Variants in UGT2B28 observed in about 807,000 individuals in gnomAD.
UGT2B28 encodes UDP-glucuronosyltransferase 2B28.
UGT2B28 carries 45 observed loss-of-function variants against 43.6 expected under a neutral mutation model. That is an observed-to-expected ratio of 1.03 (90% CI 0.81 to 1.32). The LOEUF (loss-of-function observed/expected upper bound fraction) is 1.32. UGT2B28 is among the 40% of genes most tolerant of loss of function. The pLI, the probability that UGT2B28 is intolerant of heterozygous loss-of-function variation, is 0.00. For missense variants in UGT2B28, 649 were observed against 625.5 expected, an observed-to-expected ratio of 1.04 and a Z score of -0.40; for synonymous variants, 204 against 208.1, an observed-to-expected ratio of 0.98 and a Z score of 0.17.
At chr4:69,294,270 C>T (rs543468531) in intron 5 of UGT2B28, among the ~76,000 whole-genome samples, 4 of 137,472 alleles carry the variant, frequency 2.9e-5, no homozygotes, top group East Asian at 4.2e-4. Flanking sequence ...AATTAAAATG[C>T]CTTATATTTT....
intron 4 of UGT2B28, 58 bp from the exon 5 acceptor site, chr4:69,290,534 C>T (rs1231834331): frequency 1.3e-6 from 2 of 1,526,912 alleles, no homozygotes; most frequent in South Asian, 1.2e-5. Flanking sequence ...CAGAGCATTT[C>T]ATTGTGTATC....
At position 69,290,768 on chromosome 4, in the gene UGT2B28, A is replaced by T; in HGVS notation, c.1267A>T (p.Thr423Ser). 1 of 1,559,986 alleles carries T rather than the reference A, an allele frequency of 6.4e-7. No individual in the cohort carries two copies. Among genetic ancestry groups the T allele is most frequent in the Non-Finnish European group, 8.7e-7 (1 of 1,155,290 alleles). ...VRLDFHTMSS[T>S]DLLNALKTVI... ...ACTGGACTTCCACACAATGTCGAGTACAGACCTGCTGAATGCACTGAAGAC... is the reference window on the plus strand; with the variant it reads ...ACTGGACTTCCACACAATGTCGAGTTCAGACCTGCTGAATGCACTGAAGAC... The change falls in exon 5 of 6, where the codon ACA (threonine) becomes TCA (serine). Residue 423 changes from threonine to serine, a missense_variant. By Grantham distance (58) the Thr-to-Ser change is moderately conservative. Coordinates refer to ENST00000335568, the MANE Select transcript of UGT2B28 (RefSeq NM_053039.2).
At chr4:69,290,571 C>G (rs746629274) in intron 4 of UGT2B28, 21 bp from the exon 5 acceptor site, 1 of 1,536,454 alleles carries the variant, frequency 6.5e-7, no homozygotes, top group East Asian at 2.3e-5. Context: ...AATAATTTTG[C>G]TAAAATTCAT....
At chr4:69,283,629 A>G (rs1250484392) in intron 2 of UGT2B28, among the ~76,000 whole-genome samples, 2 of 140,726 alleles carry the variant, frequency 1.4e-5, no homozygotes, top group Non-Finnish European at 3.0e-5. Flanking sequence ...TAAAACAGAC[A>G]AAACACTTAA....
At position 69,280,751 on chromosome 4, in the gene UGT2B28, C is replaced by G. The variant is rs758232402; in HGVS notation, c.251C>G (p.Thr84Ser). 6.4e-7 allele frequency: 1 copy of G among 1,563,832 alleles called. No individual in the cohort carries two copies. The highest frequency in any genetic ancestry group is 8.6e-7 in the Non-Finnish European group (1 of 1,157,078). ...LEVYPTSLTK[T>S]EFENIIMQQV... is the part of the protein sequence containing the mutation. ...GTTTATCCTACATCTTTAACTAAAA[C>G]TGAATTTGAGAATATCATCATGCAA... The change falls in exon 1 of 6, where the codon ACT (threonine) becomes AGT (serine). Residue 84 changes from threonine (T) to serine (S), a missense_variant. Physicochemically the swap from Thr to Ser is moderately conservative, Grantham distance 58. Transcript: ENST00000335568.
chr4:69,286,461 C>A lies in UGT2B28; in HGVS notation c.871-291C>A, dbSNP rs542297551. Among the ~76,000 whole-genome samples the A allele has an allele frequency of 6.0e-4, 84 of 140,202 alleles. 14 individuals are homozygous for A. The highest frequency in any genetic ancestry group is 2.3e-3 in the African/African-American group (81 of 35,874). 92.0% of individuals were successfully genotyped at this position (140,202 alleles called of 152,430 possible). A position where few individuals can be genotyped will look rare whatever the true frequency, so the allele number is the denominator to read the frequency against. On this transcript the variant is annotated intron_variant, in intron 2 of 5. Coordinates refer to ENST00000335568, the MANE Select transcript of UGT2B28 (RefSeq NM_053039.2). ...AGTGAAGAGTCTGGGTATATTTTTT[C>A]ACATTATCTCCCTGACTACAATGTA...
chr4:69,283,868 G>T lies in UGT2B28; in HGVS notation c.870+1206G>T, dbSNP rs1457555625. ...TTGATTAAAATTAGACATATCAATT[G>T]TGACAGTAAAATGAGCCAGTTGAAA... On this transcript the variant is annotated intron_variant, in intron 2 of 5. Transcript: ENST00000335568. Among the ~76,000 whole-genome samples, 4 of 140,112 alleles carry T rather than the reference G, an allele frequency of 2.9e-5. No individual in the cohort carries two copies. The South Asian group carries it at 7.1e-4, about 25-fold the overall frequency. The allele number at this position is 140,112 out of a possible 152,430, so 91.9% of individuals were successfully genotyped here.
Position 69,286,924 on chromosome 4 carries a change from G to A in UGT2B28, c.1002+41G>A, listed in dbSNP as rs778202144. 13 of 1,271,876 alleles carry A rather than the reference G, an allele frequency of 1.0e-5. 1 individual carries two copies. The highest frequency in any genetic ancestry group is 1.3e-5 in the Non-Finnish European group (13 of 1,002,426). The allele number at this position is 1,271,876 out of a possible 1,614,324, so 78.8% of individuals were successfully genotyped here. A position where few individuals can be genotyped will look rare whatever the true frequency, so the allele number is the denominator to read the frequency against. Reference sequence around the variant, plus strand: ...TTACTGGTGTGGAAAACTACTGAAAGAGGCTGTTAAAGTTTGAGATCTACA... The same window carrying A: ...TTACTGGTGTGGAAAACTACTGAAAAAGGCTGTTAAAGTTTGAGATCTACA... On this transcript the variant is annotated intron_variant, in intron 3 of 5. Transcript: ENST00000335568.
At chr4:69,292,551 C>A (rs1296721543) in intron 5 of UGT2B28, among the ~76,000 whole-genome samples, 1 of 140,160 alleles carries the variant, frequency 7.1e-6, no homozygotes, top group African/African-American at 2.8e-5. Context: ...AATAAAAGAG[C>A]AAATAATGAG....
In UGT2B28 at chr4:69,284,780, C is replaced by T. The variant is rs1723720383; in HGVS notation, c.871-1972C>T. ...GTTTATTATGTAAAATAACTGCTAA[C>T]ACAGGTTGCTTTCTTTTCAATTATA... is the stretch of plus-strand genomic sequence containing the variant. On this transcript the variant is annotated intron_variant, in intron 2 of 5. Coordinates refer to ENST00000335568, the MANE Select transcript of UGT2B28 (RefSeq NM_053039.2). 1.4e-5 allele frequency among the ~76,000 whole-genome samples: 2 copies of T among 140,626 alleles called. 1 individual carries two copies. Among genetic ancestry groups the T allele is most frequent in the African/African-American group, 5.5e-5 (2 of 36,072 alleles). The allele number at this position is 140,626 out of a possible 152,430, so 92.3% of individuals were successfully genotyped here. A position where few individuals can be genotyped will look rare whatever the true frequency, so the allele number is the denominator to read the frequency against.
In UGT2B28 at chr4:69,294,766, T is replaced by C. The variant is rs1264737095; in HGVS notation, c.1547T>C (p.Phe516Ser). 19 of 1,558,840 alleles carry C rather than the reference T, an allele frequency of 1.2e-5. 2 individuals carry two copies. The highest frequency in any genetic ancestry group is 1.6e-5 in the Non-Finnish European group (19 of 1,154,968). Residue 516 changes from phenylalanine to serine, a missense_variant, in exon 6 of 6, where the codon TTC (phenylalanine) becomes TCC (serine). Physicochemically the swap from Phe to Ser is radical, Grantham distance 155. Coordinates refer to ENST00000335568, the MANE Select transcript of UGT2B28 (RefSeq NM_053039.2). ...FVVTKFCLFC[F>S]WKFARKGKKG... ...GTCACAAAGTTTTGTCTGTTTTGTTTCTGGAAGTTTGCTAGAAAAGGGAAG... is the reference window on the plus strand; with the variant it reads ...GTCACAAAGTTTTGTCTGTTTTGTTCCTGGAAGTTTGCTAGAAAAGGGAAG...
chr4:69,294,640 A>C lies in UGT2B28; in HGVS notation c.1421A>C (p.Lys474Thr), dbSNP rs1416673042. 4.5e-6 allele frequency: 7 copies of C among 1,558,950 alleles called. 1 individual carries two copies. The African/African-American group carries it at 4.5e-5, about 10-fold the overall frequency. The change falls in exon 6 of 6, where the codon AAA becomes ACA. Residue 474 changes from lysine to threonine, a missense_variant. By Grantham distance (78) the Lys-to-Thr change is moderately conservative. Transcript: ENST00000335568. ...IEFVMCHKGA[K>T]HLRVAARDLT... ...TTTGTGATGTGCCACAAAGGAGCCA[A>C]ACACCTTCGAGTTGCAGCCCGTGAC...
rs538326744 is a variant in UGT2B28, at chr4:69,287,117, C to T, written c.1002+234C>T. ...TATGCATGAGTGGTTCCTATTACTACCAGTGGGAACTCAGTACTCCATATG... is the reference window on the plus strand; with the variant it reads ...TATGCATGAGTGGTTCCTATTACTATCAGTGGGAACTCAGTACTCCATATG... On this transcript the variant is annotated intron_variant, in intron 3 of 5. Coordinates refer to ENST00000335568, the MANE Select transcript of UGT2B28 (RefSeq NM_053039.2). Among the ~76,000 whole-genome samples, 76 of 138,888 alleles carry T rather than the reference C, an allele frequency of 5.5e-4. 9 individuals are homozygous for T. The highest frequency in any genetic ancestry group is 2.2e-3 in the Admixed American group (30 of 13,832). The allele number at this position is 138,888 out of a possible 152,430, so 91.1% of individuals were successfully genotyped here. A position where few individuals can be genotyped will look rare whatever the true frequency, so the allele number is the denominator to read the frequency against.
intron 3 of UGT2B28, among the ~76,000 whole-genome samples, chr4:69,288,528 C>T (rs1242070354): frequency 1.4e-5 from 2 of 139,464 alleles, no homozygotes; most frequent in Non-Finnish European, 3.1e-5. Flanking sequence ...ACTAGAATTA[C>T]AATGACTCCA....
chr4:69,291,816 C>G lies in UGT2B28; in HGVS notation c.1310+1005C>G, dbSNP rs1172657510. On this transcript the variant is annotated intron_variant, in intron 5 of 5. Transcript: ENST00000335568. ...TAAACTGTTTTCCAAAGTAATTGTTCCATTCATCACTACCATCAGCAGTAC... is the reference window on the plus strand; with the variant it reads ...TAAACTGTTTTCCAAAGTAATTGTTGCATTCATCACTACCATCAGCAGTAC... Among the ~76,000 whole-genome samples the G allele has an allele frequency of 5.7e-5, 8 of 140,254 alleles. 1 individual carries two copies. Among genetic ancestry groups the G allele is most frequent in the Non-Finnish European group, 1.2e-4 (8 of 65,610 alleles). 92.0% of individuals were successfully genotyped at this position (140,254 alleles called of 152,430 possible).
Position 69,280,871 on chromosome 4 carries a change from G to C in UGT2B28, c.371G>C (p.Arg124Thr), listed in dbSNP as rs1463344299. Residue 124 changes from arginine to threonine, a missense_variant, in exon 1 of 6, where the codon AGA becomes ACA. Coordinates refer to ENST00000335568, the MANE Select transcript of UGT2B28 (RefSeq NM_053039.2). The part of the protein sequence containing the change: ...EILWEFHDIF[R>T]NFCKDVVSNK... ...CTGTGGGAATTTCATGACATATTTA[G>C]AAACTTCTGTAAAGATGTAGTTTCA... is the stretch of plus-strand genomic sequence containing the variant. The C allele has an allele frequency of 1.9e-6, 3 of 1,558,286 alleles. No individual in the cohort carries two copies. The highest frequency in any genetic ancestry group is 2.6e-6 in the Non-Finnish European group (3 of 1,155,286).
chr4:69,289,650 T>C lies in UGT2B28; in HGVS notation c.1003-15T>C, dbSNP rs1282177087. 2.6e-6 allele frequency: 4 copies of C among 1,535,400 alleles called. No individual in the cohort carries two copies. The highest frequency in any genetic ancestry group is 3.5e-6 in the Non-Finnish European group (4 of 1,142,664). Reference sequence around the variant, plus strand: ...GTTCCACTCATGGAATAAGATATTCTCTTTACTGTAACAGGTTCTGTGGAG... The same window carrying C: ...GTTCCACTCATGGAATAAGATATTCCCTTTACTGTAACAGGTTCTGTGGAG... On this transcript the variant is annotated splice_polypyrimidine_tract_variant and intron_variant, in intron 3 of 5. Transcript: ENST00000335568.
At chr4:69,281,556 T>C (rs997820449) in intron 1 of UGT2B28, among the ~76,000 whole-genome samples, 3 of 141,022 alleles carry the variant, frequency 2.1e-5, no homozygotes, top group African/African-American at 5.5e-5. Context: ...AACATCTTAC[T>C]GAATGCATAG....
Position 69,289,205 on chromosome 4 carries a change from C to G in UGT2B28, c.1003-460C>G, listed in dbSNP as rs1358043987. Among the ~76,000 whole-genome samples the G allele has an allele frequency of 8.6e-5, 12 of 139,738 alleles. 1 individual carries two copies. Among genetic ancestry groups the G allele is most frequent in the African/African-American group, 2.8e-5 (1 of 35,608 alleles). The allele number at this position is 139,738 out of a possible 152,430, so 91.7% of individuals were successfully genotyped here. A position where few individuals can be genotyped will look rare whatever the true frequency, so the allele number is the denominator to read the frequency against. On this transcript the variant is annotated intron_variant, in intron 3 of 5. Transcript: ENST00000335568. ...TGGTTGAACTAACTTACATTCCAAC[C>G]AACAGAGTATAAGCATTCCTTTTCT...
Sources: allele counts gnomAD v4.1 joint callset (sites outside exome capture counted in the v4.1 genomes callset), GRCh38; gene constraint gnomAD v4.1.1; transcripts MANE v1.5; gene names NCBI Gene and HGNC (gene_info 2026-07-23, HGNC 2026-07-21).